The following LAMA2 variants were observed in gnomAD, a reference collection of about 807,000 sequenced individuals.
LAMA2 encodes laminin subunit alpha-2.
A neutral mutation model predicts 364.8 loss-of-function variants in LAMA2; 269 were observed. The ratio of observed to expected loss-of-function variants is 0.74; its 90% confidence interval spans 0.67 to 0.82. The LOEUF (loss-of-function observed/expected upper bound fraction) is 0.82, where lower values mean the gene tolerates loss of function less well. Among genes scored for constraint, LAMA2 ranks in the 40% least tolerant of loss-of-function variants. LAMA2 has a pLI of 0.00. For missense variants in LAMA2, 3,807 were observed against 3,873.2 expected (o/e 0.98, Z 0.45); for synonymous variants, 1,379 against 1,370.6 (o/e 1.01, Z -0.14).
At chr6:129,328,441 G>A (rs777662258) in intron 29 of LAMA2, 29 bp downstream of exon 29, 1 of 1,614,026 alleles carries the variant, frequency 6.2e-7, no homozygotes, top group South Asian at 1.1e-5. Flanking sequence ...CTTGAACAAG[G>A]TCCATGTGCT....
rs556623111 is a variant in LAMA2 at position 129,353,060 on chromosome 6, C to CTCT, written c.4524-102_4524-100dup. The CTCT allele has an allele frequency of 3.4e-5, 27 of 788,574 alleles. 1 individual carries two copies. The highest frequency in any genetic ancestry group is 6.8e-4 in the Middle Eastern group (2 of 2,930). 48.8% of individuals were successfully genotyped at this position (788,574 alleles called of 1,614,324 possible). ...CAGGAAAAGTTAACTAATGTATGGA[C>CTCT]TCTTGCTATCAGTTTTGTTGCATCA... On this transcript the variant is annotated intron_variant, in intron 31 of 64. Coordinates refer to ENST00000421865, the MANE Select transcript of LAMA2 (RefSeq NM_000426.4).
At chr6:129,314,581 G>A (rs1774454710) in intron 23 of LAMA2, 74 bp from the exon 24 acceptor site, 10 of 1,388,314 alleles carry the variant, frequency 7.2e-6, no homozygotes, top group South Asian at 3.5e-5. Context: ...GTATGCTCCC[G>A]TTATGCATTC....
intron 3 of LAMA2, among the ~76,000 whole-genome samples, chr6:129,088,888 C>G (rs952224505): frequency 2.6e-5 from 4 of 151,930 alleles, no homozygotes; most frequent in Admixed American, 2.6e-4. Context: ...CAGGCAGAGA[C>G]GCTCCTCACT....
At chr6:128,887,311 T>G (rs775412846) in intron 1 of LAMA2, among the ~76,000 whole-genome samples, 3 of 152,156 alleles carry the variant, frequency 2.0e-5, no homozygotes, top group Non-Finnish European at 4.4e-5. Context: ...ATATGTTAAC[T>G]TTTTGGCTTG....
chr6:129,046,470 A>T (rs562190962), intron 1 of LAMA2, among the ~76,000 whole-genome samples: 1 of 152,310 alleles, frequency 6.6e-6, no homozygotes, highest in East Asian at 1.9e-4. Context: ...ATCGCCAGAT[A>T]TTATGAGACT....
At chr6:128,949,024 A>G (rs1317911069) in intron 1 of LAMA2, among the ~76,000 whole-genome samples, 1 of 152,230 alleles carries the variant, frequency 6.6e-6, no homozygotes, top group East Asian at 1.9e-4. Context: ...CCATTAGTGC[A>G]CATCCCCCCG....
At chr6:129,277,672 C>A (rs1448297650) in intron 17 of LAMA2, among the ~76,000 whole-genome samples, 2 of 152,096 alleles carry the variant, frequency 1.3e-5, no homozygotes, top group South Asian at 4.1e-4. Context: ...TTGTATATGA[C>A]CTTGGTTAAG....
At chr6:129,151,326 T>C (rs1778781516) in intron 7 of LAMA2, among the ~76,000 whole-genome samples, 2 of 152,232 alleles carry the variant, frequency 1.3e-5, no homozygotes, top group African/African-American at 4.8e-5. Context: ...CTTTATGTTT[T>C]CCTCTGCTTA....
chr6:128,911,936 T>A (rs1777995380), intron 1 of LAMA2, among the ~76,000 whole-genome samples: 1 of 152,252 alleles, frequency 6.6e-6, no homozygotes, highest in South Asian at 2.1e-4. Context: ...CCCAGTCTAC[T>A]GTCTGTAAAA....
intron 1 of LAMA2, among the ~76,000 whole-genome samples, chr6:129,021,520 T>C (rs1004801134): frequency 6.6e-6 from 1 of 152,206 alleles, no homozygotes; most frequent in African/African-American, 2.4e-5. Flanking sequence ...GAAGCTCTCA[T>C]GTTATTTTTC....
At chr6:129,501,139 A>G (rs1182311390) in intron 58 of LAMA2, among the ~76,000 whole-genome samples, 1 of 152,198 alleles carries the variant, frequency 6.6e-6, no homozygotes, top group Non-Finnish European at 1.5e-5. Flanking sequence ...TCCGGGAAAT[A>G]TCGTGAGAGG....
intron 1 of LAMA2, among the ~76,000 whole-genome samples, chr6:128,884,675 C>T (rs1776048571): frequency 6.6e-6 from 1 of 152,048 alleles, no homozygotes; most frequent in African/African-American, 2.4e-5. Flanking sequence ...AAAATGGGGC[C>T]AATATGACTT....
chr6:128,913,130 G>T, intron 1 of LAMA2, among the ~76,000 whole-genome samples: 1 of 152,218 alleles, frequency 6.6e-6, no homozygotes, highest in East Asian at 1.9e-4. Context: ...TAATTAAAGT[G>T]AAGATGGGGT....
At chr6:129,428,750 T>C (rs1562555383) in intron 41 of LAMA2, among the ~76,000 whole-genome samples, 1 of 152,162 alleles carries the variant, frequency 6.6e-6, no homozygotes, top group Non-Finnish European at 1.5e-5. Flanking sequence ...CGGCCCTAAA[T>C]ACATTTTTCT....
chr6:128,887,176 A>G (rs1405972315), intron 1 of LAMA2, among the ~76,000 whole-genome samples: 1 of 152,192 alleles, frequency 6.6e-6, no homozygotes, highest in Non-Finnish European at 1.5e-5. Context: ...CGTCAATTGC[A>G]CAGTTCTAAA....
intron 41 of LAMA2, among the ~76,000 whole-genome samples, chr6:129,437,339 A>G (rs778355308): frequency 6.6e-6 from 1 of 152,104 alleles, no homozygotes; most frequent in Non-Finnish European, 1.5e-5. Context: ...ATGTTATTGT[A>G]AGGATTAAGT....
intron 1 of LAMA2, among the ~76,000 whole-genome samples, chr6:128,953,485 C>T (rs181488065): frequency 1.3e-5 from 2 of 151,994 alleles, no homozygotes; most frequent in Admixed American, 1.3e-4. Flanking sequence ...AATTGGTGGG[C>T]TGTGTGGTCT....
At chr6:128,946,979 G>T (rs2114557412) in intron 1 of LAMA2, among the ~76,000 whole-genome samples, 1 of 152,240 alleles carries the variant, frequency 6.6e-6, no homozygotes, top group Non-Finnish European at 1.5e-5. Flanking sequence ...TAATTCATGG[G>T]CATTGAATAT....
chr6:129,284,404 G>A (rs1179449259), intron 18 of LAMA2, among the ~76,000 whole-genome samples: 12 of 152,064 alleles, frequency 7.9e-5, no homozygotes, highest in Admixed American at 7.9e-4. Flanking sequence ...AATAGCATTT[G>A]CATATCTCCA....
Sources: gnomAD v4.1 joint callset for allele counts (sites outside exome capture counted in the v4.1 genomes callset) on GRCh38, gnomAD v4.1.1 for gene constraint, MANE v1.5 for transcripts, NCBI Gene and HGNC (gene_info 2026-07-23, HGNC 2026-07-21) for gene names.